The following COL21A1 variants were observed in gnomAD, a reference collection of about 807,000 sequenced individuals.
COL21A1 encodes collagen type XXI alpha 1 chain.
Under a neutral mutation model 137.9 loss-of-function variants are expected in COL21A1, and 149 were observed. The ratio of observed to expected loss-of-function variants is 1.08; its 90% CI spans 0.95 to 1.24. COL21A1 has a LOEUF of 1.24. Ranked by LOEUF, COL21A1 falls within the 50% of genes most tolerant of loss-of-function variation. The probability of loss-of-function intolerance (pLI) is 0.00; values close to 1 mark genes in which losing one functional copy is unlikely to be tolerated. For missense variants in COL21A1, 1,167 were observed against 1,158.4 expected (o/e 1.01, Z -0.11); for synonymous variants, 456 against 391.5 (o/e 1.16, Z -1.95).
At chr6:56,114,707 A>G (rs1321482673) in intron 16 of COL21A1, among the ~76,000 whole-genome samples, 2 of 149,104 alleles carry the variant, frequency 1.3e-5, no homozygotes, top group Non-Finnish European at 3.0e-5. Context: ...AAATAGGAAC[A>G]CTTTTACACT....
intron 9 of COL21A1, among the ~76,000 whole-genome samples, chr6:56,158,266 C>CGTTTTTTTTTTTTTTTTTTTT (rs1775923565): frequency 1.6e-5 from 1 of 62,402 alleles, no homozygotes; most frequent in Admixed American, 2.5e-4. Context: ...TTTTTTTTTT[C>CGTTTTTTTTTTTTTTTTTTTT]TTTTTTTTTT....
chr6:56,087,413 A>G (rs964062958), intron 17 of COL21A1, among the ~76,000 whole-genome samples: 2 of 152,210 alleles, frequency 1.3e-5, no homozygotes, highest in Non-Finnish European at 2.9e-5. Flanking sequence ...GGGGGCAAGT[A>G]GACCATTCAG....
chr6:56,068,089 T>A (rs1766417903), intron 22 of COL21A1, among the ~76,000 whole-genome samples: 1 of 151,768 alleles, frequency 6.6e-6, no homozygotes, highest in Admixed American at 6.6e-5. Flanking sequence ...ATATTCGTAG[T>A]AGATTTACTT....
At chr6:56,157,560 C>T (rs1775853494) in intron 9 of COL21A1, among the ~76,000 whole-genome samples, 1 of 152,112 alleles carries the variant, frequency 6.6e-6, no homozygotes, top group Non-Finnish European at 1.5e-5. Context: ...ATCTGTCTGC[C>T]TCAGCCTTCC....
chr6:56,275,799 T>C (rs899277372), intron 1 of COL21A1, among the ~76,000 whole-genome samples: 1 of 152,220 alleles, frequency 6.6e-6, no homozygotes, highest in Non-Finnish European at 1.5e-5. Flanking sequence ...TCAGCGACTG[T>C]AGAAAGGAGT....
chr6:56,124,455 G>A (rs930757817), intron 14 of COL21A1, among the ~76,000 whole-genome samples, 163 bp from the exon 15 acceptor site: 7 of 152,122 alleles, frequency 4.6e-5, no homozygotes, highest in Admixed American at 3.9e-4. Context: ...TACCAACCCA[G>A]TGGATGCAAT....
chr6:56,208,155 A>T (rs2223600), intron 1 of COL21A1, among the ~76,000 whole-genome samples: 98,791 of 151,318 alleles, frequency 0.65, 32,649 homozygotes, highest in East Asian at 0.86. Context: ...ACCTCTCCTA[A>T]TCAACATAGT....
chr6:56,092,917 T>C (rs1177371779), intron 17 of COL21A1, among the ~76,000 whole-genome samples: 1 of 152,162 alleles, frequency 6.6e-6, no homozygotes, highest in Non-Finnish European at 1.5e-5. Context: ...GAAGATTCCA[T>C]TACTTGCCTT....
chr6:56,144,968 G>A (rs1017542744), intron 10 of COL21A1, among the ~76,000 whole-genome samples: 9 of 152,132 alleles, frequency 5.9e-5, no homozygotes, highest in Admixed American at 3.3e-4. Context: ...GGAGTCACAG[G>A]TGAAGATTCT....
chr6:56,238,962 T>C (rs1280974008), intron 1 of COL21A1, among the ~76,000 whole-genome samples: 4 of 152,306 alleles, frequency 2.6e-5, no homozygotes, highest in East Asian at 3.9e-4. Flanking sequence ...GACCATACTA[T>C]GAAGTAGGTC....
At chr6:56,083,026 A>G (rs1253784420) in intron 17 of COL21A1, among the ~76,000 whole-genome samples, 3 of 151,686 alleles carry the variant, frequency 2.0e-5, no homozygotes, top group African/African-American at 7.2e-5. Context: ...AAAAAATTAA[A>G]TATGTTTTCT....
chr6:56,166,668 C>T (rs1369428301), intron 7 of COL21A1: 1 of 588,250 alleles, frequency 1.7e-6, no homozygotes, highest in Non-Finnish European at 3.0e-6. Flanking sequence ...AAACAAAACA[C>T]AACAAGAAAA....
intron 1 of COL21A1, among the ~76,000 whole-genome samples, chr6:56,388,190 A>C (rs911206413): frequency 6.6e-6 from 1 of 152,186 alleles, no homozygotes; most frequent in African/African-American, 2.4e-5. Context: ...CCCTGAAGGG[A>C]AGGATCTAGT....
At chr6:56,197,164 T>C (rs1172565606) in intron 1 of COL21A1, among the ~76,000 whole-genome samples, 1 of 151,970 alleles carries the variant, frequency 6.6e-6, no homozygotes, top group Non-Finnish European at 1.5e-5. Flanking sequence ...GATATCCATG[T>C]GGAAAAGAAT....
chr6:56,345,742 G>A (rs537481132), intron 1 of COL21A1, among the ~76,000 whole-genome samples: 2 of 152,326 alleles, frequency 1.3e-5, no homozygotes, highest in East Asian at 3.9e-4. Flanking sequence ...TCAATTCCAG[G>A]AGAGTTTTGG....
At chr6:56,338,557 G>A (rs915753491) in intron 1 of COL21A1, among the ~76,000 whole-genome samples, 1 of 152,090 alleles carries the variant, frequency 6.6e-6, no homozygotes, top group African/African-American at 2.4e-5. Context: ...GTGTCCAATG[G>A]ACCAAGTGAA....
intron 9 of COL21A1, among the ~76,000 whole-genome samples, chr6:56,159,282 G>C (rs1037768319): frequency 6.6e-6 from 1 of 151,290 alleles, no homozygotes; most frequent in Non-Finnish European, 1.5e-5. Context: ...GTTTTCCCTT[G>C]GTTAGTCTTC....
chr6:56,068,300 G>A (rs934376193), intron 22 of COL21A1, among the ~76,000 whole-genome samples: 11 of 151,644 alleles, frequency 7.3e-5, no homozygotes, highest in African/African-American at 2.4e-4. Flanking sequence ...GGAGACATAA[G>A]AGTTTGTGTC....
At chr6:56,123,437 G>A (rs996694641) in intron 16 of COL21A1, among the ~76,000 whole-genome samples, 9 of 152,164 alleles carry the variant, frequency 5.9e-5, no homozygotes, top group Admixed American at 4.6e-4. Context: ...GAATTTCTGA[G>A]CAACTTTGGG....
Sources: allele counts gnomAD v4.1 joint callset (sites outside exome capture counted in the v4.1 genomes callset), GRCh38; gene constraint gnomAD v4.1.1; transcripts MANE v1.5; gene names NCBI Gene and HGNC (gene_info 2026-07-23, HGNC 2026-07-21).